Variants in ADAM22 observed in about 807,000 individuals in gnomAD.
The protein encoded by ADAM22 is ADAM metallopeptidase domain 22.
A neutral mutation model predicts 144.6 loss-of-function variants in ADAM22; 65 were observed. The ratio of observed to expected loss-of-function variants is 0.45; its 90% CI spans 0.37 to 0.55. ADAM22 has a LOEUF of 0.55. Among genes scored for constraint, ADAM22 ranks in the 20% least tolerant of loss-of-function variants. The pLI is 0.00. For missense variants in ADAM22, 974 were observed against 1,184.9 expected (o/e 0.82, Z 2.61); for synonymous variants, 391 against 412.6 (o/e 0.95, Z 0.63).
At chr7:88,104,260 A>G (rs1473369023) in intron 4 of ADAM22, among the ~76,000 whole-genome samples, 1 of 152,186 alleles carries the variant, frequency 6.6e-6, no homozygotes, top group Non-Finnish European at 1.5e-5. Flanking sequence ...TGAACAGTGT[A>G]CACAGTATAA....
intron 29 of ADAM22, 99 bp from the exon 30 acceptor site, chr7:88,186,516 C>T: frequency 2.5e-6 from 2 of 812,504 alleles, no homozygotes; most frequent in South Asian, 1.4e-5. Flanking sequence ...TGGTCACTTG[C>T]ATTTGGAGGG....
At chr7:87,948,240 A>T (rs1187672890) in intron 2 of ADAM22, among the ~76,000 whole-genome samples, 1 of 152,202 alleles carries the variant, frequency 6.6e-6, no homozygotes, top group Non-Finnish European at 1.5e-5. Context: ...AGTCTCTGAA[A>T]GGTTATTTAC....
chr7:88,143,847 A>T (rs1207721108), intron 15 of ADAM22, among the ~76,000 whole-genome samples: 1 of 152,258 alleles, frequency 6.6e-6, no homozygotes, highest in Non-Finnish European at 1.5e-5. Flanking sequence ...TAATTTAGAA[A>T]ATGTATCATA....
intron 9 of ADAM22, among the ~76,000 whole-genome samples, chr7:88,129,252 T>A (rs1404519032): frequency 6.6e-6 from 1 of 152,042 alleles, no homozygotes; most frequent in Non-Finnish European, 1.5e-5. Flanking sequence ...TTGCAGGCAG[T>A]ATGACTACAT....
chr7:88,180,685 A>C (rs913869772), intron 27 of ADAM22, among the ~76,000 whole-genome samples: 1 of 152,152 alleles, frequency 6.6e-6, no homozygotes, highest in Admixed American at 6.6e-5. Context: ...ATCCATTTGA[A>C]TAATTCCCAG....
At chr7:88,108,384 G>A (rs1825033757) in intron 5 of ADAM22, 126 bp downstream of exon 5, 12 of 754,224 alleles carry the variant, frequency 1.6e-5, no homozygotes, top group Non-Finnish European at 2.5e-5. Flanking sequence ...TGATGGATCT[G>A]ATTTTTTTTT....
At chr7:88,157,713 C>A (rs1025258030) in intron 22 of ADAM22, among the ~76,000 whole-genome samples, 3 of 151,932 alleles carry the variant, frequency 2.0e-5, no homozygotes, top group Admixed American at 6.6e-5. Flanking sequence ...CAACAGCAGG[C>A]CAGAAACTCC....
Position 87,934,483 on chromosome 7 carries a change from T to TGTGTCC in ADAM22, c.22_27dup (p.Ser8_Val9dup). On this transcript the variant is annotated inframe_insertion, in exon 1 of 32. Coordinates refer to ENST00000413139, the MANE Select transcript of ADAM22 (RefSeq NM_001324418.2). ...GCAGCACCATGCAGGCGGCAGTGGC[T>TGTGTCC]GTGTCCGTGCCCTTCTTGCTGCTCT... 2 of 1,605,080 alleles carry TGTGTCC rather than the reference T, an allele frequency of 1.2e-6. No individual in the cohort carries two copies. The highest frequency in any genetic ancestry group is 2.2e-5 in the South Asian group (2 of 90,184).
At chr7:87,959,637 A>G (rs919430737) in intron 2 of ADAM22, among the ~76,000 whole-genome samples, 2 of 152,200 alleles carry the variant, frequency 1.3e-5, no homozygotes, top group South Asian at 2.1e-4. Flanking sequence ...TTTAAAAAAC[A>G]TGTTTTGCCT....
intron 18 of ADAM22, among the ~76,000 whole-genome samples, chr7:88,150,332 T>C (rs1423582211): frequency 6.6e-6 from 1 of 152,232 alleles, no homozygotes; most frequent in Admixed American, 6.5e-5. Flanking sequence ...TGGCACATGA[T>C]ATCATCAGAA....
chr7:88,196,349 A>G, intron 31 of ADAM22, 122 bp from the exon 32 acceptor site: 1 of 1,142,112 alleles, frequency 8.8e-7, no homozygotes, highest in Non-Finnish European at 1.3e-6. Context: ...AGACTTTGCA[A>G]GAGTGTGCAT....
chr7:88,049,074 A>T (rs1309536422), intron 3 of ADAM22, among the ~76,000 whole-genome samples: 1 of 152,120 alleles, frequency 6.6e-6, no homozygotes, highest in Non-Finnish European at 1.5e-5. Flanking sequence ...CCCACTTAGA[A>T]TTTATATAGG....
chr7:88,079,349 C>CT (rs1194399593), intron 4 of ADAM22, among the ~76,000 whole-genome samples: 1 of 152,102 alleles, frequency 6.6e-6, no homozygotes, highest in Non-Finnish European at 1.5e-5. Flanking sequence ...GAAGGAAGCA[C>CT]TAAACAGGGA....
intron 29 of ADAM22, among the ~76,000 whole-genome samples, chr7:88,182,624 GC>G (rs753674563): frequency 2.1e-4 from 32 of 152,074 alleles, no homozygotes; most frequent in Non-Finnish European, 4.6e-4. Flanking sequence ...TTAAATGATA[GC>G]CATGCATTTA....
chr7:87,968,984 C>G lies in ADAM22; in HGVS notation c.247-9352C>G, dbSNP rs536609032. Reference sequence around the variant, plus strand: ...GGAGATGCTACACACTTTTAAACAACCAGAGCTCCTGAGAACTCACTCACT... The same window carrying G: ...GGAGATGCTACACACTTTTAAACAAGCAGAGCTCCTGAGAACTCACTCACT... On this transcript the variant is annotated intron_variant, in intron 2 of 31. Coordinates refer to ENST00000413139, the MANE Select transcript of ADAM22 (RefSeq NM_001324418.2). Among the ~76,000 whole-genome samples, 6 of 152,226 alleles carry G rather than the reference C, an allele frequency of 3.9e-5. No individual in the cohort carries two copies. In the East Asian group the frequency reaches 1.2e-3, roughly 29 times the overall value.
intron 4 of ADAM22, among the ~76,000 whole-genome samples, chr7:88,107,124 C>CAAATGATTT (rs1563227416): frequency 2.0e-5 from 3 of 150,884 alleles, no homozygotes; most frequent in Middle Eastern, 3.5e-3. Context: ...TAGTGACTCT[C>CAAATGATTT]AAATGATTTA....
intron 2 of ADAM22, among the ~76,000 whole-genome samples, chr7:87,972,305 C>G (rs1287559682): frequency 6.6e-6 from 1 of 150,906 alleles, no homozygotes; most frequent in Non-Finnish European, 1.5e-5. Flanking sequence ...AAACAGAGAG[C>G]CAAATCATGA....
At chr7:87,995,856 CTG>C (rs1791076116) in intron 3 of ADAM22, among the ~76,000 whole-genome samples, 1 of 152,180 alleles carries the variant, frequency 6.6e-6, no homozygotes. Flanking sequence ...TAATTAAAAA[CTG>C]TTCTCACTCA....
intron 26 of ADAM22, among the ~76,000 whole-genome samples, chr7:88,173,946 T>G (rs1023181663): frequency 6.6e-6 from 1 of 152,134 alleles, no homozygotes; most frequent in African/African-American, 2.4e-5. Context: ...TTCATTGACA[T>G]GAGTGAGGCT....
Sources: allele counts gnomAD v4.1 joint callset (sites outside exome capture counted in the v4.1 genomes callset), GRCh38; gene constraint gnomAD v4.1.1; transcripts MANE v1.5; gene names NCBI Gene and HGNC (gene_info 2026-07-23, HGNC 2026-07-21).